RBPMS: variants seen among roughly 807,000 people sequenced by gnomAD.
The protein encoded by RBPMS is RNA-binding protein with multiple splicing.
RBPMS carries 7 observed loss-of-function variants against 26.8 expected under a neutral mutation model. The observed-to-expected ratio is 0.26, with a 90% confidence interval of 0.15 to 0.49. The LOEUF (loss-of-function observed/expected upper bound fraction) is 0.49, where lower values mean the gene tolerates loss of function less well. RBPMS is among the 20% of genes least tolerant of loss of function. The probability of loss-of-function intolerance (pLI) is 0.98; values close to 1 mark genes in which losing one functional copy is unlikely to be tolerated. For synonymous variants in RBPMS, 96 were observed against 93.3 expected, an observed-to-expected ratio of 1.03 and a Z score of -0.17; for missense variants, 186 against 250.0, an observed-to-expected ratio of 0.74 and a Z score of 1.73.
chr8:30,554,260 C>T (rs1279344171), intron 6 of RBPMS, among the ~76,000 whole-genome samples: 1 of 152,212 alleles, frequency 6.6e-6, no homozygotes, highest in Non-Finnish European at 1.5e-5. Flanking sequence ...CAGCTCGAAG[C>T]ATGCAAATGG....
At position 30,431,339 on chromosome 8, in the gene RBPMS, TTTTC is replaced by T. The variant is rs1414961233; in HGVS notation, c.67-43436_67-43433del. Reference sequence around the variant, plus strand: ...CATTTCTTTCTTTCTCCTTTCTTTCTTTTCTTTTTTTTTCTTTCTCTTTCTTTCT... The same window carrying T: ...CATTTCTTTCTTTCTCCTTTCTTTCTTTTTTTTTTCTTTCTCTTTCTTTCT... On this transcript the variant is annotated intron_variant, in intron 1 of 8. Transcript: ENST00000397323. Among the ~76,000 whole-genome samples, 4 of 124,030 alleles carry T rather than the reference TTTTC, an allele frequency of 3.2e-5. No homozygotes were observed. In the South Asian group the frequency reaches 7.5e-4, roughly 23 times the overall value. The allele number at this position is 124,030 out of a possible 152,430, so 81.4% of individuals were successfully genotyped here.
chr8:30,472,036 A>G (rs1367181838), intron 1 of RBPMS, among the ~76,000 whole-genome samples: 4 of 152,248 alleles, frequency 2.6e-5, no homozygotes, highest in East Asian at 3.8e-4. Context: ...TACCTTTCAT[A>G]TATAGGCATT....
At chr8:30,476,778 G>T (rs1339692362) in intron 2 of RBPMS, among the ~76,000 whole-genome samples, 1 of 152,106 alleles carries the variant, frequency 6.6e-6, no homozygotes, top group Admixed American at 6.6e-5. Context: ...CAAGCCACCA[G>T]CTATTGATTA....
intron 4 of RBPMS, among the ~76,000 whole-genome samples, chr8:30,482,719 G>C (rs929699578): frequency 3.9e-5 from 6 of 152,074 alleles, no homozygotes; most frequent in Non-Finnish European, 8.8e-5. Context: ...GTTATCTTTG[G>C]TCTCATTAAT....
At chr8:30,469,146 G>A (rs1028725080) in intron 1 of RBPMS, among the ~76,000 whole-genome samples, 2 of 152,162 alleles carry the variant, frequency 1.3e-5, no homozygotes, top group African/African-American at 4.8e-5. Context: ...TACTGAAGTC[G>A]AGCATTTTTC....
chr8:30,561,347 C>A lies in RBPMS; in HGVS notation c.*7+2391C>A, dbSNP rs140875635. Among the ~76,000 whole-genome samples, 429 of 152,290 alleles carry A rather than the reference C, an allele frequency of 2.8e-3. 3 individuals are homozygous for A. Among genetic ancestry groups the A allele is most frequent in the African/African-American group, 9.7e-3 (402 of 41,550 alleles). On this transcript the variant is annotated intron_variant, in intron 7 of 8. Transcript: ENST00000397323. Reference sequence around the variant, plus strand: ...GGTTGCATAGGAACCTCCCCGTTACCATGGTGCCCAGCACTGCCTTACAAC... The same window carrying A: ...GGTTGCATAGGAACCTCCCCGTTACAATGGTGCCCAGCACTGCCTTACAAC...
chr8:30,390,343 C>G (rs1807640490), intron 1 of RBPMS, among the ~76,000 whole-genome samples: 1 of 152,182 alleles, frequency 6.6e-6, no homozygotes, highest in Non-Finnish European at 1.5e-5. Context: ...TAGTATTTCT[C>G]TTACTCATTC....
At chr8:30,481,111 A>G (rs1476013224) in intron 4 of RBPMS, among the ~76,000 whole-genome samples, 2 of 152,208 alleles carry the variant, frequency 1.3e-5, no homozygotes, top group Non-Finnish European at 2.9e-5. Context: ...TTTTTTAAAG[A>G]TAACTGAAGG....
rs114727543 is a variant in RBPMS at position 30,532,188 on chromosome 8, C to T, written c.398-12306C>T. On this transcript the variant is annotated intron_variant, in intron 5 of 8. Transcript: ENST00000397323. ...AGAGCTGAACAATATGTCTGAGGCA[C>T]GAAGAATGAGGAAGAAACAGTTAAA... Among the ~76,000 whole-genome samples the T allele has an allele frequency of 1.4e-3, 206 of 152,100 alleles. 1 individual carries two copies. The highest frequency in any genetic ancestry group is 4.5e-3 in the African/African-American group (187 of 41,476).
chr8:30,449,792 A>G (rs1814329351), intron 1 of RBPMS, among the ~76,000 whole-genome samples: 1 of 152,244 alleles, frequency 6.6e-6, no homozygotes, highest in African/African-American at 2.4e-5. Context: ...GCTTGAGGCC[A>G]GGTTTTCTGC....
chr8:30,542,808 A>G (rs1825520128), intron 5 of RBPMS, among the ~76,000 whole-genome samples: 1 of 152,220 alleles, frequency 6.6e-6, no homozygotes, highest in Admixed American at 6.5e-5. Context: ...GTCTCATCAC[A>G]ACAGGAAGCA....
chr8:30,540,440 G>A (rs1825263405), intron 5 of RBPMS, among the ~76,000 whole-genome samples: 1 of 152,180 alleles, frequency 6.6e-6, no homozygotes, highest in South Asian at 2.1e-4. Flanking sequence ...ACTGAATTAA[G>A]AGACAGGGTC....
At chr8:30,558,863 C>T (rs187252030) in intron 6 of RBPMS, 24 bp from the exon 7 acceptor site, 59 of 1,608,594 alleles carry the variant, frequency 3.7e-5, no homozygotes, top group Admixed American at 6.7e-5. Flanking sequence ...CCCTGGCTCA[C>T]GGCCTTCTCC....
intron 1 of RBPMS, among the ~76,000 whole-genome samples, chr8:30,458,271 A>C (rs1015010369): frequency 6.6e-6 from 1 of 152,164 alleles, no homozygotes; most frequent in Non-Finnish European, 1.5e-5. Flanking sequence ...CACAGATAGC[A>C]AGGGCCTACT....
intron 1 of RBPMS, chr8:30,385,520 A>C: frequency 5.4e-6 from 1 of 184,720 alleles, no homozygotes; most frequent in Non-Finnish European, 1.1e-5. Context: ...TTGTGTATGG[A>C]TTCAGGGTCG....
intron 1 of RBPMS, among the ~76,000 whole-genome samples, chr8:30,426,998 C>T (rs1052638513): frequency 6.6e-6 from 1 of 152,096 alleles, no homozygotes; most frequent in African/African-American, 2.4e-5. Flanking sequence ...CTTTGTTTCC[C>T]AGGCTGGTCT....
intron 1 of RBPMS, among the ~76,000 whole-genome samples, chr8:30,422,405 C>T (rs539015089): frequency 5.3e-5 from 8 of 152,110 alleles, no homozygotes; most frequent in South Asian, 2.1e-4. Context: ...TGAGCTACTG[C>T]GCCTGGCCGA....
At position 30,385,102 on chromosome 8, in the gene RBPMS, G is replaced by A. The variant is rs1337586269; in HGVS notation, c.10G>A (p.Gly4Ser). Residue 4 changes from glycine to serine, a missense_variant, in exon 1 of 9, where the codon GGC (glycine) becomes AGC (serine). By Grantham distance (56) the Gly-to-Ser change is moderately conservative. Coordinates refer to ENST00000397323, the MANE Select transcript of RBPMS (RefSeq NM_001008710.3). MNN[G>S]GKAEKENTPS... ...AGGAAGGACCGGGAAGATGAACAAC[G>A]GCGGCAAAGCCGAGAAGGAGAACAC... 5 of 1,523,742 alleles carry A rather than the reference G, an allele frequency of 3.3e-6. No individual in the cohort carries two copies. Among genetic ancestry groups the A allele is most frequent in the African/African-American group, 1.4e-5 (1 of 69,820 alleles). 94.4% of individuals were successfully genotyped at this position (1,523,742 alleles called of 1,614,324 possible).
At chr8:30,452,156 A>T (rs1458871886) in intron 1 of RBPMS, among the ~76,000 whole-genome samples, 1 of 152,224 alleles carries the variant, frequency 6.6e-6, no homozygotes. Context: ...GGTTGTAAGA[A>T]GAAGGTGATG....
Sources: allele counts gnomAD v4.1 joint callset (sites outside exome capture counted in the v4.1 genomes callset), GRCh38; gene constraint gnomAD v4.1.1; transcripts MANE v1.5; gene names NCBI Gene and HGNC (gene_info 2026-07-23, HGNC 2026-07-21).